The following EOMES variants were observed in gnomAD, a reference collection of about 807,000 sequenced individuals.
EOMES encodes the protein eomesodermin.
Under a neutral mutation model 61.0 loss-of-function variants are expected in EOMES, and 18 were observed. The ratio of observed to expected loss-of-function variants is 0.30; its 90% confidence interval spans 0.20 to 0.44. EOMES has a LOEUF of 0.44. Among genes scored for constraint, EOMES ranks in the 20% least tolerant of loss-of-function variants. EOMES has a pLI of 1.00. For missense variants in EOMES, 885 were observed against 939.2 expected (o/e 0.94, Z 0.75); for synonymous variants, 430 against 394.0 (o/e 1.09, Z -1.08).
Position 27,721,402 on chromosome 3 carries a change from C to G in EOMES, c.881+12G>C, listed in dbSNP as rs763322120. 9 of 1,604,452 alleles carry G rather than the reference C, an allele frequency of 5.6e-6. No individual in the cohort carries two copies. In the African/African-American group the frequency reaches 8.0e-5, roughly 14 times the overall value. On this transcript the variant is annotated intron_variant, in intron 1 of 5. Transcript: ENST00000449599. The surrounding 1 kb of genome is among the most constrained non-coding windows in gnomAD (Gnocchi z 7.4). ...ATCCCCGAACCCAGGGGCCCCTCCACGCTGCGCTCACCTGCCCTGTTTCGT... is the reference window on the plus strand; with the variant it reads ...ATCCCCGAACCCAGGGGCCCCTCCAGGCTGCGCTCACCTGCCCTGTTTCGT...
Position 27,722,322 on chromosome 3 carries a change from C to T in EOMES, c.-28G>A, listed in dbSNP as rs1386189618. On this transcript the variant is annotated 5_prime_UTR_variant, in exon 1 of 6. Transcript: ENST00000449599. Reference sequence around the variant, plus strand: ...TTTGCAAAGCGCAGACGGCAGCTGGCTGCTTCCTCTCCTCCGGTGGCCTTA... The same window carrying T: ...TTTGCAAAGCGCAGACGGCAGCTGGTTGCTTCCTCTCCTCCGGTGGCCTTA... 1 of 1,506,422 alleles carries T rather than the reference C, an allele frequency of 6.6e-7. No individual in the cohort carries two copies. Among genetic ancestry groups the T allele is most frequent in the Non-Finnish European group, 8.8e-7 (1 of 1,134,418 alleles). 93.3% of individuals were successfully genotyped at this position (1,506,422 alleles called of 1,614,324 possible). A position where few individuals can be genotyped will look rare whatever the true frequency, so the allele number is the denominator to read the frequency against.
Position 27,721,758 on chromosome 3 carries a change from A to G in EOMES, c.537T>C (p.Ala179=), listed in dbSNP as rs2060615883. The G allele has an allele frequency of 1.0e-5, 15 of 1,492,788 alleles. No individual in the cohort carries two copies. The highest frequency in any genetic ancestry group is 1.1e-5 in the Non-Finnish European group (13 of 1,133,088). The allele number at this position is 1,492,788 out of a possible 1,614,324, so 92.5% of individuals were successfully genotyped here. A position where few individuals can be genotyped will look rare whatever the true frequency, so the allele number is the denominator to read the frequency against. The change falls in exon 1 of 6, where the codon GCT becomes GCC. Residue 179 remains alanine, a synonymous_variant. Transcript: ENST00000449599. The surrounding 1 kb of genome is among the most constrained non-coding windows in gnomAD (Gnocchi z 7.4). ...CGTAGGGGTAGCGCGCCCCGTTAGG[A>G]GCCGGGTACACAGGTCCGTGGGGCG... The part of the protein sequence containing the change: ...AGAPHGPVYP[A]PNGARYPYGS...
rs754206728 is a variant in EOMES at position 27,719,370 on chromosome 3, T to C, written c.1148A>G (p.Asn383Ser). 1.2e-6 allele frequency: 2 copies of C among 1,614,176 alleles called. No individual in the cohort carries two copies. Among genetic ancestry groups the C allele is most frequent in the Non-Finnish European group, 1.7e-6 (2 of 1,179,992 alleles). ...KLTNNKGANN[N>S]NTQMIVLQSL... ...GCTCTGTCACTCTACCTGGGTGTTGTTGTTATTTGCGCCTTTGTTATTGGT... is the reference window on the plus strand; with the variant it reads ...GCTCTGTCACTCTACCTGGGTGTTGCTGTTATTTGCGCCTTTGTTATTGGT... Residue 383 changes from asparagine to serine, a missense_variant, in exon 3 of 6, where the codon AAC becomes AGC. Asn to Ser is a conservative substitution (Grantham distance 46). Transcript: ENST00000449599.
chr3:27,722,128 G>A lies in EOMES; in HGVS notation c.167C>T (p.Ser56Phe). 1 of 1,555,512 alleles carries A rather than the reference G, an allele frequency of 6.4e-7. No individual in the cohort carries two copies. Among genetic ancestry groups the A allele is most frequent in the South Asian group, 1.2e-5 (1 of 84,544 alleles). ...LDLDKASKKF[S>F]GSLSCEAVSG... Reference sequence around the variant, plus strand: ...CACCGCCTCGCAGGAGAGACTGCCGGAAAACTTCTTGGACGCTTTGTCTAA... The same window carrying A: ...CACCGCCTCGCAGGAGAGACTGCCGAAAAACTTCTTGGACGCTTTGTCTAA... The change falls in exon 1 of 6, where the codon TCC (serine) becomes TTC (phenylalanine). Residue 56 changes from serine (S) to phenylalanine (F), a missense_variant. By Grantham distance (155) the Ser-to-Phe change is radical. This residue lies in a region of EOMES where 449 missense variants were observed against 383.6 expected (regional missense o/e 1.17). Transcript: ENST00000449599.
rs1239235611 is a variant in EOMES, at chr3:27,717,213, A to G, written c.1975T>C (p.Cys659Arg). 1.2e-6 allele frequency: 2 copies of G among 1,613,324 alleles called. No individual in the cohort carries two copies. The highest frequency in any genetic ancestry group is 1.7e-5 in the Admixed American group (1 of 60,028). Residue 659 changes from cysteine to arginine, a missense_variant, in exon 6 of 6, where the codon TGT becomes CGT. Transcript: ENST00000449599. This position sits in a 1 kb window ranked among gnomAD's most constrained non-coding sequence, Gnocchi z 4.5. Reference protein sequence around the residue: ...SNDSGVYTSACKRRRLSPSNS... With the variant: ...SNDSGVYTSARKRRRLSPSNS... ...CTAGGAGACAGCCGCCTTCGCTTACAAGCACTGGTGTATACTCCTGAATCA... is the reference window on the plus strand; with the variant it reads ...CTAGGAGACAGCCGCCTTCGCTTACGAGCACTGGTGTATACTCCTGAATCA...
Position 27,718,574 on chromosome 3 carries a change from A to T in EOMES, c.1379+13T>A. On this transcript the variant is annotated intron_variant, in intron 5 of 5. Coordinates refer to ENST00000449599, the MANE Select transcript of EOMES (RefSeq NM_001278182.2). The stretch of plus-strand genomic sequence containing the variant: ...GAGATGATCAGGCAAGTGTGGATAA[A>T]AGCTGCACTTACGAATCATAGTTGT... The T allele has an allele frequency of 6.3e-7, 1 of 1,595,216 alleles. No homozygotes were observed.
chr3:27,717,429 T>C lies in EOMES; in HGVS notation c.1759A>G (p.Thr587Ala), dbSNP rs763652726. Residue 587 changes from threonine to alanine, a missense_variant, in exon 6 of 6, where the codon ACC becomes GCC. Thr to Ala is a moderately conservative substitution (Grantham distance 58). Around this residue, in one of 3 missense-constraint regions of EOMES, gnomAD observed 259 missense variants for 282.3 expected, o/e 0.92. Coordinates refer to ENST00000449599, the MANE Select transcript of EOMES (RefSeq NM_001278182.2). The surrounding 1 kb of genome is among the most constrained non-coding windows in gnomAD (Gnocchi z 4.5). ...CCCCACCCTGCCATTGCAGGAAAGG[T>C]TGGGTCTGGGTAATACCCCAGGGCA... ...SHALGYYPDP[T>A]FPAMAGWGGR... The C allele has an allele frequency of 1.2e-6, 2 of 1,614,162 alleles. No homozygotes were observed. The highest frequency in any genetic ancestry group is 1.1e-5 in the South Asian group (1 of 91,078).
rs2060611670 is a variant in EOMES, at chr3:27,721,425, C to T, written c.870G>A (p.Thr290=). 2 of 1,612,124 alleles carry T rather than the reference C, an allele frequency of 1.2e-6. No individual in the cohort carries two copies. Among genetic ancestry groups the T allele is most frequent in the Non-Finnish European group, 1.7e-6 (2 of 1,179,354 alleles). The change falls in exon 1 of 6, where the codon ACG becomes ACA. Residue 290 remains threonine (T), a synonymous_variant. Coordinates refer to ENST00000449599, the MANE Select transcript of EOMES (RefSeq NM_001278182.2). This position sits in a 1 kb window ranked among gnomAD's most constrained non-coding sequence, Gnocchi z 7.4. ...CACGCTGCGCTCACCTGCCCTGTTT[C>T]GTAATGATCATCTCAGTTTGGTGGC... ...FHRHQTEMII[T]KQGRRMFPFL...
chr3:27,721,978 C>G lies in EOMES; in HGVS notation c.317G>C (p.Gly106Ala), dbSNP rs1206829163. The G allele has an allele frequency of 6.9e-7, 1 of 1,455,130 alleles. No homozygotes were observed. The highest frequency in any genetic ancestry group is 3.2e-5 in the Admixed American group (1 of 30,952). 90.1% of individuals were successfully genotyped at this position (1,455,130 alleles called of 1,614,324 possible). The change falls in exon 1 of 6, where the codon GGC (glycine) becomes GCC (alanine). Residue 106 changes from glycine (G) to alanine (A), a missense_variant. Transcript: ENST00000449599. The surrounding 1 kb of genome is among the most constrained non-coding windows in gnomAD (Gnocchi z 7.4). ...AKPGPPDGRK[G>A]SPCGEEELPS... ...CAGCTCCTCCTCCCCGCAGGGGGAGCCCTTGCGGCCGTCCGGGGGCCCCGG... is the reference window on the plus strand; with the variant it reads ...CAGCTCCTCCTCCCCGCAGGGGGAGGCCTTGCGGCCGTCCGGGGGCCCCGG...
chr3:27,722,498 A>G (rs1235387001), upstream of EOMES: 4 of 1,351,898 alleles, frequency 3.0e-6, no homozygotes, highest in Non-Finnish European at 3.8e-6. Context: ...CCGGAAGGAA[A>G]GCGCCGTGAG....
chr3:27,722,016 C>G lies in EOMES; in HGVS notation c.279G>C (p.Ala93=), dbSNP rs935437169. ...TDAGDAFASA[A]AVAKPGPPDG... Reference sequence around the variant, plus strand: ...CCGGGGGCCCCGGCTTGGCCACTGCCGCAGCGCTGGCAAATGCGTCCCCGG... The same window carrying G: ...CCGGGGGCCCCGGCTTGGCCACTGCGGCAGCGCTGGCAAATGCGTCCCCGG... The change falls in exon 1 of 6, where the codon GCG becomes GCC. Residue 93 remains alanine, a synonymous_variant. Transcript: ENST00000449599. 4.6e-6 allele frequency: 7 copies of G among 1,519,656 alleles called. No homozygotes were observed. The highest frequency in any genetic ancestry group is 3.7e-5 in the South Asian group (3 of 81,362). 94.1% of individuals were successfully genotyped at this position (1,519,656 alleles called of 1,614,324 possible). A position where few individuals can be genotyped will look rare whatever the true frequency, so the allele number is the denominator to read the frequency against.
chr3:27,721,669 C>G lies in EOMES; in HGVS notation c.626G>C (p.Gly209Ala). 1 of 1,533,098 alleles carries G rather than the reference C, an allele frequency of 6.5e-7. No individual in the cohort carries two copies. The highest frequency in any genetic ancestry group is 8.7e-7 in the Non-Finnish European group (1 of 1,143,812). The allele number at this position is 1,533,098 out of a possible 1,614,324, so 95.0% of individuals were successfully genotyped here. A position where few individuals can be genotyped will look rare whatever the true frequency, so the allele number is the denominator to read the frequency against. The change falls in exon 1 of 6, where the codon GGC becomes GCC. Residue 209 changes from glycine (G) to alanine (A), a missense_variant. This residue lies in a region of EOMES where 449 missense variants were observed against 383.6 expected (regional missense o/e 1.17). Transcript: ENST00000449599. This position sits in a 1 kb window ranked among gnomAD's most constrained non-coding sequence, Gnocchi z 7.4. ...AVCPPGRAQF[G>A]PGAGAGSGAG... ...GCCACTGCCCGCACCGGCTCCTGGG[C>G]CGAACTGCGCCCTCCCGGGTGGGCA...
Position 27,718,386 on chromosome 3 carries a change from A to T in EOMES, c.1379+201T>A, listed in dbSNP as rs2060585457. Among the ~76,000 whole-genome samples the T allele has an allele frequency of 2.6e-5, 4 of 152,254 alleles. No homozygotes were observed. In the South Asian group the frequency reaches 8.3e-4, roughly 31 times the overall value. ...AAAACCTCTTCATTTTTAAGTCCTT[A>T]ACATTTCTTCAGAAATTAACACAAC... On this transcript the variant is annotated intron_variant, in intron 5 of 5. Transcript: ENST00000449599.
At chr3:27,719,882 C>T (rs1008718710) in intron 2 of EOMES, among the ~76,000 whole-genome samples, 1 of 152,070 alleles carries the variant, frequency 6.6e-6, no homozygotes, top group African/African-American at 2.4e-5. Context: ...GGAGCCCTTC[C>T]CACCTGGAGA....
chr3:27,719,017 G>T lies in EOMES; in HGVS notation c.1159-124C>A, dbSNP rs2060590395. ...CTAAATGCTCCTCACTAACAGCTTT[G>T]TTTATTGCAAGTTTAAAGGTCTCAT... On this transcript the variant is annotated intron_variant, in intron 3 of 5. Coordinates refer to ENST00000449599, the MANE Select transcript of EOMES (RefSeq NM_001278182.2). 4.1e-6 allele frequency: 3 copies of T among 731,160 alleles called. No individual in the cohort carries two copies. In the South Asian group the frequency reaches 5.8e-5, roughly 14 times the overall value. 45.3% of individuals were successfully genotyped at this position (731,160 alleles called of 1,614,324 possible).
chr3:27,722,094 C>T lies in EOMES; in HGVS notation c.201G>A (p.Glu67=), dbSNP rs1370099535. Residue 67 remains glutamate, a synonymous_variant, in exon 1 of 6, where the codon GAG becomes GAA. Transcript: ENST00000449599. ...GGGCCCCTGCGCTGGCGGCTGCGGG[C>T]TCCCCGCTCACCGCCTCGCAGGAGA... is the stretch of plus-strand genomic sequence containing the variant. ...GSLSCEAVSG[E]PAAASAGAPA... is the part of the protein sequence containing the mutation. 1.3e-6 allele frequency: 2 copies of T among 1,548,646 alleles called. No homozygotes were observed. Among genetic ancestry groups the T allele is most frequent in the Admixed American group, 2.0e-5 (1 of 50,886 alleles).
Position 27,721,681 on chromosome 3 carries a change from C to A in EOMES, c.614G>T (p.Arg205Met). Residue 205 changes from arginine to methionine, a missense_variant, in exon 1 of 6, where the codon AGG (arginine) becomes ATG (methionine). By Grantham distance (91) the Arg-to-Met change is moderately conservative (BLOSUM62 -1). This residue lies in a region of EOMES where 449 missense variants were observed against 383.6 expected (regional missense o/e 1.17). Transcript: ENST00000449599. The surrounding 1 kb of genome is among the most constrained non-coding windows in gnomAD (Gnocchi z 7.4). ...ACCGGCTCCTGGGCCGAACTGCGCCCTCCCGGGTGGGCACACAGCCGCGGG... is the reference window on the plus strand; with the variant it reads ...ACCGGCTCCTGGGCCGAACTGCGCCATCCCGGGTGGGCACACAGCCGCGGG... ...GFPAAVCPPG[R>M]AQFGPGAGAG... is the part of the protein sequence containing the mutation. The A allele has an allele frequency of 6.6e-7, 1 of 1,526,710 alleles. No homozygotes were observed. The highest frequency in any genetic ancestry group is 8.8e-7 in the Non-Finnish European group (1 of 1,141,682). The allele number at this position is 1,526,710 out of a possible 1,614,324, so 94.6% of individuals were successfully genotyped here.
In EOMES at chr3:27,721,257, T is replaced by C. The variant is rs1308253188; in HGVS notation, c.881+157A>G. On this transcript the variant is annotated intron_variant, in intron 1 of 5. Transcript: ENST00000449599. This position sits in a 1 kb window ranked among gnomAD's most constrained non-coding sequence, Gnocchi z 7.4. ...GGCACTGACACAGAGGGACACCGCA[T>C]TGGAGATGCGGTGTCTACGGAGATT... Among the ~76,000 whole-genome samples, 1 of 151,250 alleles carries C rather than the reference T, an allele frequency of 6.6e-6. No individual in the cohort carries two copies. Among genetic ancestry groups the C allele is most frequent in the Non-Finnish European group, 1.5e-5 (1 of 67,780 alleles).
At position 27,717,843 on chromosome 3, in the gene EOMES, A is replaced by AC; in HGVS notation, c.1380-36_1380-35insG. 5.5e-6 allele frequency: 8 copies of AC among 1,453,718 alleles called. No individual in the cohort carries two copies. The highest frequency in any genetic ancestry group is 7.3e-6 in the Non-Finnish European group (8 of 1,093,124). The allele number at this position is 1,453,718 out of a possible 1,614,324, so 90.1% of individuals were successfully genotyped here. A position where few individuals can be genotyped will look rare whatever the true frequency, so the allele number is the denominator to read the frequency against. On this transcript the variant is annotated intron_variant, in intron 5 of 5. Transcript: ENST00000449599. This position sits in a 1 kb window ranked among gnomAD's most constrained non-coding sequence, Gnocchi z 4.5. ...AAAGAGAAACACTTAAAAAAAAAAAAAAACCCTAATGTTGTCCCCAAACAA... is the reference window on the plus strand; with the variant it reads ...AAAGAGAAACACTTAAAAAAAAAAAACAAACCCTAATGTTGTCCCCAAACAA...
Sources: gnomAD v4.1 joint callset for allele counts (sites outside exome capture counted in the v4.1 genomes callset) on GRCh38, gnomAD v4.1.1 for gene constraint, gnomAD v4.1.1 regional missense constraint, Gnocchi (gnomAD v3.1) non-coding constraint, MANE v1.5 for transcripts, NCBI Gene and HGNC (gene_info 2026-07-23, HGNC 2026-07-21) for gene names.